Variants in UNC13B observed in about 807,000 individuals in gnomAD.
UNC13B encodes unc-13 homolog B, also known as protein unc-13 homolog B.
In UNC13B, 144 loss-of-function variants were observed where a neutral mutation model predicts 211.0. That is an observed-to-expected ratio of 0.68 (90% CI 0.60 to 0.78). The LOEUF is 0.78. Ranked by LOEUF, UNC13B falls within the 30% of genes least tolerant of loss-of-function variation. The pLI, the probability that UNC13B is intolerant of heterozygous loss-of-function variation, is 0.00. For missense variants in UNC13B, 1,777 were observed against 2,002.0 expected (o/e 0.89, Z 2.14); for synonymous variants, 709 against 725.8 (o/e 0.98, Z 0.37).
chr9:35,229,388 T>C (rs1217038092), intron 2 of UNC13B, among the ~76,000 whole-genome samples: 1 of 152,224 alleles, frequency 6.6e-6, no homozygotes, highest in African/African-American at 2.4e-5. Flanking sequence ...GAGAATCTGC[T>C]CTGTTGTTTC....
chr9:35,237,994 T>C (rs963532096), intron 5 of UNC13B, among the ~76,000 whole-genome samples, 168 bp downstream of exon 5: 2 of 152,204 alleles, frequency 1.3e-5, no homozygotes, highest in Non-Finnish European at 2.9e-5. Context: ...TGGTGCAAAG[T>C]AGAATATAGA....
intron 2 of UNC13B, among the ~76,000 whole-genome samples, chr9:35,229,091 A>T (rs1211839827): frequency 6.6e-6 from 1 of 152,164 alleles, no homozygotes; most frequent in Admixed American, 6.5e-5. Flanking sequence ...TCAACATTTG[A>T]TATGAAACTT....
intron 17 of UNC13B, among the ~76,000 whole-genome samples, chr9:35,379,273 C>T (rs189279259): frequency 2.6e-4 from 39 of 152,122 alleles, no homozygotes; most frequent in Admixed American, 1.5e-3. Flanking sequence ...CATGGCAAAA[C>T]CCCATCTCTA....
intron 7 of UNC13B, among the ~76,000 whole-genome samples, chr9:35,283,350 C>G (rs746240390): frequency 3.3e-5 from 5 of 152,138 alleles, no homozygotes; most frequent in Non-Finnish European, 7.3e-5. Flanking sequence ...TAAGTGGAAT[C>G]ATTGGGTTAA....
At chr9:35,217,887 T>TA (rs1163485596) in intron 1 of UNC13B, among the ~76,000 whole-genome samples, 4 of 151,796 alleles carry the variant, frequency 2.6e-5, no homozygotes, top group East Asian at 1.9e-4. Context: ...CTATAAAAAA[T>TA]AAAAAAATTA....
chr9:35,180,119 T>A (rs1821853963), intron 1 of UNC13B, among the ~76,000 whole-genome samples: 1 of 152,268 alleles, frequency 6.6e-6, no homozygotes, highest in Admixed American at 6.5e-5. Flanking sequence ...CACTTGTACA[T>A]GCTCAATTAT....
intron 8 of UNC13B, among the ~76,000 whole-genome samples, chr9:35,297,153 A>G (rs1024703769): frequency 1.4e-5 from 2 of 140,852 alleles, no homozygotes; most frequent in African/African-American, 5.4e-5. Context: ...CAGTGGCGTG[A>G]TCTCGGCTCA....
At chr9:35,222,139 T>C (rs1347234857) in intron 1 of UNC13B, among the ~76,000 whole-genome samples, 27 of 152,196 alleles carry the variant, frequency 1.8e-4, no homozygotes, top group African/African-American at 4.8e-5. Flanking sequence ...GCTCTTCTGA[T>C]CCTTTGCGTT....
At chr9:35,189,950 C>A (rs1371065454) in intron 1 of UNC13B, among the ~76,000 whole-genome samples, 5 of 152,170 alleles carry the variant, frequency 3.3e-5, no homozygotes, top group Non-Finnish European at 5.9e-5. Flanking sequence ...AGATTACAGA[C>A]GTGAGCCACC....
chr9:35,296,028 G>A (rs1829341972), intron 8 of UNC13B, 98 bp downstream of exon 8: 14 of 1,152,594 alleles, frequency 1.2e-5, no homozygotes, highest in Admixed American at 4.5e-5. Flanking sequence ...AAGAGGTAGC[G>A]TAAGTGTAGC....
In UNC13B at chr9:35,300,723, TA is replaced by T; in HGVS notation, c.1320del (p.Ile440MetfsTer4). 2.5e-6 allele frequency: 1 copy of T among 399,012 alleles called. No homozygotes were observed. Among genetic ancestry groups the T allele is most frequent in the Non-Finnish European group, 4.4e-6 (1 of 226,038 alleles). The allele number at this position is 399,012 out of a possible 1,614,324, so 24.7% of individuals were successfully genotyped here. On this transcript the variant is annotated frameshift_variant, in exon 9 of 40. Transcript: ENST00000635942. LOFTEE classifies it high-confidence loss of function. ...KTLGDLSECS[I>X]EEITPSSIEE... ...CTTGGAGATCTGTCTGAGTGCTCTA[TA>T]GAAGAGATAACCCCTTCCTCTATTG... is the stretch of plus-strand genomic sequence containing the variant.
intron 26 of UNC13B, among the ~76,000 whole-genome samples, chr9:35,392,871 A>G (rs1835629151): frequency 6.6e-6 from 1 of 152,202 alleles, no homozygotes; most frequent in Admixed American, 6.5e-5. Context: ...GTCACCAAAT[A>G]TTTTGTAAGT....
chr9:35,272,065 T>C (rs943606295), intron 7 of UNC13B, among the ~76,000 whole-genome samples: 1 of 152,212 alleles, frequency 6.6e-6, no homozygotes, highest in Admixed American at 6.5e-5. Context: ...TGTATACTTT[T>C]ACATAAATTT....
Position 35,304,072 on chromosome 9 carries a change from A to G in UNC13B, c.4668A>G (p.Ile1556Met). 2.5e-6 allele frequency: 1 copy of G among 398,776 alleles called. No individual in the cohort carries two copies. Among genetic ancestry groups the G allele is most frequent in the East Asian group, 3.6e-5 (1 of 28,058 alleles). The allele number at this position is 398,776 out of a possible 1,614,324, so 24.7% of individuals were successfully genotyped here. A position where few individuals can be genotyped will look rare whatever the true frequency, so the allele number is the denominator to read the frequency against. ...DSTGQYAYLF[I>M]PDSYQEYLDC... is the part of the protein sequence containing the mutation. The stretch of plus-strand genomic sequence containing the variant: ...CTGGGCAGTATGCATATTTATTTAT[A>G]CCTGATTCTTATCAAGAGTATTTGG... Residue 1556 changes from isoleucine to methionine, a missense_variant, in exon 9 of 40, where the codon ATA (isoleucine) becomes ATG (methionine). By Grantham distance (10) the Ile-to-Met change is conservative. Coordinates refer to ENST00000635942, the MANE Select transcript of UNC13B (RefSeq NM_001371189.2).
In UNC13B at chr9:35,259,034, T is replaced by C. The variant is rs1379905130; in HGVS notation, c.510T>C (p.Thr170=). Residue 170 remains threonine (T), a synonymous_variant, in exon 7 of 40, where the codon ACT becomes ACC. Transcript: ENST00000635942. ...QEESQRKPLP[T]AAAQCSFEDP... Reference sequence around the variant, plus strand: ...AAAGCCAGAGGAAGCCATTGCCCACTGCTGCCGCCCAGTGTTGTAAGTGAG... The same window carrying C: ...AAAGCCAGAGGAAGCCATTGCCCACCGCTGCCGCCCAGTGTTGTAAGTGAG... The C allele has an allele frequency of 6.2e-7, 1 of 1,613,900 alleles. No individual in the cohort carries two copies. The highest frequency in any genetic ancestry group is 2.2e-5 in the East Asian group (1 of 44,888).
intron 24 of UNC13B, among the ~76,000 whole-genome samples, chr9:35,389,251 C>A (rs1835373203): frequency 6.6e-6 from 1 of 152,062 alleles, no homozygotes; most frequent in African/African-American, 2.4e-5. Context: ...CAAGTAAGGC[C>A]CTATCTTATC....
At position 35,399,399 on chromosome 9, in the gene UNC13B, A is replaced by C; in HGVS notation, c.12206A>C (p.Gln4069Pro). 6.2e-7 allele frequency: 1 copy of C among 1,614,020 alleles called. No individual in the cohort carries two copies. Among genetic ancestry groups the C allele is most frequent in the Non-Finnish European group, 8.5e-7 (1 of 1,180,000 alleles). Residue 4069 changes from glutamine to proline, a missense_variant, in exon 35 of 40, where the codon CAG becomes CCG. Physicochemically the swap from Gln to Pro is moderately conservative, Grantham distance 76 (BLOSUM62 -1). Coordinates refer to ENST00000635942, the MANE Select transcript of UNC13B (RefSeq NM_001371189.2). Reference sequence around the variant, plus strand: ...GATTCCCTCTCTGCCCAGGGCACCCAGCTGATCTTCACTGCTGCCAAGGAG... The same window carrying C: ...GATTCCCTCTCTGCCCAGGGCACCCCGCTGATCTTCACTGCTGCCAAGGAG... ...LPPLTDQTGT[Q>P]LIFTAAKELS...
At chr9:35,355,147 A>G (rs1394963833) in intron 11 of UNC13B, among the ~76,000 whole-genome samples, 12 of 152,240 alleles carry the variant, frequency 7.9e-5, no homozygotes, top group Admixed American at 7.8e-4. Context: ...AGCAAAGTGC[A>G]GAGCAGTATG....
At chr9:35,393,300 C>G (rs989977861) in intron 26 of UNC13B, among the ~76,000 whole-genome samples, 1 of 152,044 alleles carries the variant, frequency 6.6e-6, no homozygotes, top group African/African-American at 2.4e-5. Flanking sequence ...AGGTGATGTA[C>G]AAGCCGAAAC....
Sources: allele counts gnomAD v4.1 joint callset (sites outside exome capture counted in the v4.1 genomes callset), GRCh38; gene constraint gnomAD v4.1.1; transcripts MANE v1.5; gene names NCBI Gene and HGNC (gene_info 2026-07-23, HGNC 2026-07-21).